The following LIN52 variants were observed in gnomAD, a reference collection of about 807,000 sequenced individuals.
The protein encoded by LIN52 is protein lin-52 homolog.
In LIN52, 4 loss-of-function variants were observed where a neutral mutation model predicts 18.5. That is an observed-to-expected ratio of 0.22 (90% confidence interval 0.11 to 0.49). The LOEUF (loss-of-function observed/expected upper bound fraction) is 0.49, where lower values mean the gene tolerates loss of function less well. Ranked by LOEUF, LIN52 falls within the 20% of genes least tolerant of loss-of-function variation. The pLI, the probability that LIN52 is intolerant of heterozygous loss-of-function variation, is 0.97. For missense variants in LIN52, 102 were observed against 139.5 expected (o/e 0.73, Z 1.35); for synonymous variants, 34 against 45.5 (o/e 0.75, Z 1.02).
intron 5 of LIN52, among the ~76,000 whole-genome samples, chr14:74,113,552 T>C (rs1249213369): frequency 6.6e-6 from 1 of 152,154 alleles, no homozygotes; most frequent in Non-Finnish European, 1.5e-5. Context: ...CCCCAGGTTA[T>C]GTTAGGTCTC....
chr14:74,094,693 T>C (rs1429774676), intron 2 of LIN52, among the ~76,000 whole-genome samples: 1 of 152,204 alleles, frequency 6.6e-6, no homozygotes, highest in Non-Finnish European at 1.5e-5. Context: ...GTTACTAATC[T>C]ATTAGTTTCA....
chr14:74,175,256 C>G (rs1243841576), intron 5 of LIN52, among the ~76,000 whole-genome samples: 1 of 151,852 alleles, frequency 6.6e-6, no homozygotes, highest in Non-Finnish European at 1.5e-5. Flanking sequence ...AGCTTTTTTA[C>G]TTTATAAACT....
intron 5 of LIN52, among the ~76,000 whole-genome samples, chr14:74,111,879 T>C (rs1182972491): frequency 6.6e-6 from 1 of 151,728 alleles, no homozygotes; most frequent in African/African-American, 2.4e-5. Flanking sequence ...TTTTTTCTTT[T>C]TTTCTTTTTT....
intron 5 of LIN52, among the ~76,000 whole-genome samples, chr14:74,143,113 A>C (rs2061138949): frequency 6.6e-6 from 1 of 152,028 alleles, no homozygotes; most frequent in African/African-American, 2.4e-5. Context: ...TGTGCATTTG[A>C]AATAGGAAAA....
intron 5 of LIN52, among the ~76,000 whole-genome samples, chr14:74,177,635 G>C (rs1379097571): frequency 6.6e-6 from 1 of 152,138 alleles, no homozygotes; most frequent in Non-Finnish European, 1.5e-5. Context: ...GGACTCTAAA[G>C]TTTGATATTT....
chr14:74,108,920 A>G (rs1391628959), intron 5 of LIN52, among the ~76,000 whole-genome samples: 2 of 152,254 alleles, frequency 1.3e-5, no homozygotes, highest in South Asian at 2.1e-4. Flanking sequence ...ATGAAATCCA[A>G]TTTATCTATT....
intron 5 of LIN52, among the ~76,000 whole-genome samples, chr14:74,108,091 G>A (rs932105402): frequency 9.9e-5 from 15 of 152,072 alleles, no homozygotes; most frequent in Admixed American, 3.9e-4. Flanking sequence ...GATTTGCCTC[G>A]TCTGGACATT....
chr14:74,102,631 T>C (rs1428901649), intron 5 of LIN52, among the ~76,000 whole-genome samples: 1 of 152,222 alleles, frequency 6.6e-6, no homozygotes, highest in African/African-American at 2.4e-5. Context: ...ATTTTGTTCC[T>C]TGATTTTGTT....
intron 5 of LIN52, among the ~76,000 whole-genome samples, chr14:74,197,724 A>C (rs2078922881): frequency 6.6e-6 from 1 of 152,214 alleles, no homozygotes; most frequent in Non-Finnish European, 1.5e-5. Flanking sequence ...AAGATGGGGA[A>C]TGTATAGACT....
intron 5 of LIN52, among the ~76,000 whole-genome samples, chr14:74,136,701 C>T (rs1276456837): frequency 6.6e-6 from 1 of 152,096 alleles, no homozygotes; most frequent in African/African-American, 2.4e-5. Context: ...TTTGAAATGA[C>T]TCTGCAAGAG....
chr14:74,098,688 C>T (rs2060832263), intron 4 of LIN52, among the ~76,000 whole-genome samples: 1 of 151,780 alleles, frequency 6.6e-6, no homozygotes, highest in Admixed American at 6.6e-5. Context: ...GCTGGAATTA[C>T]AGGCATCCCC....
chr14:74,121,120 A>G (rs1351997856), intron 5 of LIN52, among the ~76,000 whole-genome samples: 2 of 152,208 alleles, frequency 1.3e-5, no homozygotes, highest in African/African-American at 4.8e-5. Flanking sequence ...AAAATAAACT[A>G]TACACAGTAG....
intron 2 of LIN52, among the ~76,000 whole-genome samples, chr14:74,095,437 T>G (rs938671710): frequency 4.0e-5 from 6 of 151,810 alleles, no homozygotes; most frequent in African/African-American, 1.5e-4. Context: ...ACCCGGCCCG[T>G]TTTTTAATTT....
chr14:74,101,080 A>G, intron 4 of LIN52, 75 bp from the exon 5 acceptor site: 1 of 1,165,422 alleles, frequency 8.6e-7, no homozygotes, highest in South Asian at 1.3e-5. Flanking sequence ...GTATAACAAG[A>G]GTTCCCAACC....
chr14:74,155,013 T>C (rs1481521934), intron 5 of LIN52, among the ~76,000 whole-genome samples: 1 of 152,182 alleles, frequency 6.6e-6, no homozygotes, highest in Admixed American at 6.5e-5. Flanking sequence ...TTCAAACTCT[T>C]TTATGTAAAC....
At chr14:74,119,243 G>C (rs546037056) in intron 5 of LIN52, among the ~76,000 whole-genome samples, 1 of 145,814 alleles carries the variant, frequency 6.9e-6, no homozygotes, top group East Asian at 2.1e-4. Context: ...CTCACTGCAA[G>C]CTCCGCCTCC....
intron 2 of LIN52, among the ~76,000 whole-genome samples, chr14:74,091,767 C>CT (rs2060773611): frequency 1.3e-5 from 1 of 77,114 alleles, no homozygotes; most frequent in South Asian, 5.1e-4. Context: ...GGGTGAGACT[C>CT]TGTCTCAAAA....
chr14:74,183,971 G>A (rs1355357071), intron 5 of LIN52, among the ~76,000 whole-genome samples: 4 of 152,170 alleles, frequency 2.6e-5, no homozygotes, highest in Non-Finnish European at 1.5e-5. Flanking sequence ...AACAAGGTCT[G>A]TACATTGCAT....
intron 5 of LIN52, among the ~76,000 whole-genome samples, chr14:74,197,835 G>A (rs960984838): frequency 1.3e-5 from 2 of 152,310 alleles, no homozygotes; most frequent in Non-Finnish European, 2.9e-5. Flanking sequence ...TGGGGCAGAG[G>A]GGAGCTGGAG....
Sources: gnomAD v4.1 joint callset for allele counts (sites outside exome capture counted in the v4.1 genomes callset) on GRCh38, gnomAD v4.1.1 for gene constraint, MANE v1.5 for transcripts, NCBI Gene and HGNC (gene_info 2026-07-23, HGNC 2026-07-21) for gene names.